The following SORL1 variants were observed in gnomAD, a reference collection of about 807,000 sequenced individuals.
SORL1 encodes the protein sortilin related receptor 1.
Under a neutral mutation model 273.7 loss-of-function variants are expected in SORL1, and 127 were observed. The ratio of observed to expected loss-of-function variants is 0.46; its 90% CI spans 0.40 to 0.54. The LOEUF (loss-of-function observed/expected upper bound fraction) is 0.54, where lower values mean the gene tolerates loss of function less well. Ranked by LOEUF, SORL1 falls within the 20% of genes least tolerant of loss-of-function variation. The probability of loss-of-function intolerance (pLI) is 0.00; values close to 1 mark genes in which losing one functional copy is unlikely to be tolerated. For missense variants in SORL1, 2,494 were observed against 2,846.1 expected (o/e 0.88, Z 2.81); for synonymous variants, 1,031 against 1,067.4 (o/e 0.97, Z 0.66).
chr11:121,472,853 G>A lies in SORL1; in HGVS notation c.402+2730G>A, dbSNP rs180999827. Among the ~76,000 whole-genome samples the A allele has an allele frequency of 4.7e-3, 712 of 152,160 alleles. 4 individuals carry two copies. Among genetic ancestry groups the A allele is most frequent in the African/African-American group, 0.017 (686 of 41,482 alleles). ...TGGGTGCCTGTAATTCCAGCTACTC[G>A]GGAGGCTGAGGCAAGAGAATCGCTT... On this transcript the variant is annotated intron_variant, in intron 2 of 47. Coordinates refer to ENST00000260197, the MANE Select transcript of SORL1 (RefSeq NM_003105.6).
intron 39 of SORL1, chr11:121,612,084 GA>G (rs1863572502): frequency 6.6e-6 from 1 of 152,392 alleles, no homozygotes; most frequent in Non-Finnish European, 1.5e-5. Flanking sequence ...AGGCTACAGT[GA>G]GTCAAGATCA....
chr11:121,542,366 T>C (rs993835597), intron 12 of SORL1, among the ~76,000 whole-genome samples: 3 of 152,242 alleles, frequency 2.0e-5, no homozygotes, highest in African/African-American at 7.2e-5. Flanking sequence ...CAAATTTGTT[T>C]AGTCATTGCA....
At chr11:121,552,255 G>C (rs886110092) in intron 16 of SORL1, among the ~76,000 whole-genome samples, 4 of 152,190 alleles carry the variant, frequency 2.6e-5, no homozygotes, top group Non-Finnish European at 4.4e-5. Flanking sequence ...CATCTGGAAG[G>C]ATTTTTTAAA....
chr11:121,488,282 C>A, intron 4 of SORL1, 89 bp downstream of exon 4: 2 of 1,267,094 alleles, frequency 1.6e-6, no homozygotes, highest in Admixed American at 2.0e-5. Context: ...AGTGACCTCG[C>A]CTCCTGCCTC....
rs1862490917 is a variant in SORL1 at position 121,550,493 on chromosome 11, T to G, written c.2181-92T>G. 3.9e-6 allele frequency: 4 copies of G among 1,017,690 alleles called. No individual in the cohort carries two copies. The African/African-American group carries it at 4.7e-5, about 12-fold the overall frequency. The allele number at this position is 1,017,690 out of a possible 1,614,324, so 63.0% of individuals were successfully genotyped here. On this transcript the variant is annotated intron_variant, in intron 15 of 47. Coordinates refer to ENST00000260197, the MANE Select transcript of SORL1 (RefSeq NM_003105.6). This position sits in a 1 kb window ranked among gnomAD's most constrained non-coding sequence, Gnocchi z 5.3. The stretch of plus-strand genomic sequence containing the variant: ...AGAGAAATGAGTGGATGGACTCTAC[T>G]GGCCGTGGGTAGTAAGTGTATTCCC...
intron 16 of SORL1, among the ~76,000 whole-genome samples, chr11:121,551,278 C>T (rs1392575715): frequency 6.6e-6 from 1 of 152,094 alleles, no homozygotes; most frequent in Admixed American, 6.5e-5. Context: ...ACTCTAAGCC[C>T]CATGCTCTTC....
chr11:121,618,660 G>A, intron 41 of SORL1, 114 bp from the exon 42 acceptor site: 1 of 1,272,692 alleles, frequency 7.9e-7, no homozygotes, highest in Non-Finnish European at 1.1e-6. Flanking sequence ...GTTGAATGAA[G>A]ACTTCTCTGT....
chr11:121,622,458 C>G (rs923012351), intron 45 of SORL1, among the ~76,000 whole-genome samples, 190 bp downstream of exon 45: 1 of 152,242 alleles, frequency 6.6e-6, no homozygotes, highest in Admixed American at 6.5e-5. Context: ...AATGCTTATA[C>G]TGCCCGTTAA....
intron 33 of SORL1, among the ~76,000 whole-genome samples, chr11:121,604,827 G>T (rs1863444822): frequency 6.6e-6 from 1 of 152,158 alleles, no homozygotes; most frequent in South Asian, 2.1e-4. Context: ...CATTTTCTGA[G>T]ATTTCTTTTC....
chr11:121,485,124 G>A (rs1486851586), intron 3 of SORL1, among the ~76,000 whole-genome samples: 7 of 152,192 alleles, frequency 4.6e-5, no homozygotes, highest in Non-Finnish European at 8.8e-5. Flanking sequence ...AGCAAAGGAT[G>A]GAAGAAGAAT....
At chr11:121,589,677 T>C (rs1456968663) in intron 29 of SORL1, among the ~76,000 whole-genome samples, 1 of 152,230 alleles carries the variant, frequency 6.6e-6, no homozygotes, top group Non-Finnish European at 1.5e-5. Context: ...GTAAATATTA[T>C]GGAGTGACCT....
At chr11:121,621,761 G>GGA (rs1378997281) in intron 44 of SORL1, among the ~76,000 whole-genome samples, 2 of 152,218 alleles carry the variant, frequency 1.3e-5, no homozygotes, top group Admixed American at 1.3e-4. Context: ...ATTGGGTAAT[G>GGA]GAGGCCCAGC....
chr11:121,535,687 T>C (rs1213450128), intron 12 of SORL1, among the ~76,000 whole-genome samples: 2 of 145,608 alleles, frequency 1.4e-5, no homozygotes, highest in Non-Finnish European at 3.1e-5. Context: ...TTTTTTTTGG[T>C]CGATGTTCTT....
At chr11:121,569,434 G>A (rs866908480) in intron 22 of SORL1, among the ~76,000 whole-genome samples, 7 of 152,166 alleles carry the variant, frequency 4.6e-5, no homozygotes, top group African/African-American at 9.7e-5. Context: ...GAGAAATATC[G>A]CTGAATTCTT....
intron 1 of SORL1, among the ~76,000 whole-genome samples, 164 bp from the exon 2 acceptor site, chr11:121,469,843 A>G (rs1426885407): frequency 6.6e-6 from 1 of 152,238 alleles, no homozygotes; most frequent in African/African-American, 2.4e-5. Flanking sequence ...TGAGTGTGAC[A>G]GAATATGCAT....
rs1860819306 is a variant in SORL1 at position 121,452,552 on chromosome 11, A to G, written c.221A>G (p.Glu74Gly). 1.3e-6 allele frequency: 2 copies of G among 1,506,670 alleles called. No homozygotes were observed. The highest frequency in any genetic ancestry group is 2.5e-5 in the South Asian group (2 of 80,998). 93.3% of individuals were successfully genotyped at this position (1,506,670 alleles called of 1,614,324 possible). A position where few individuals can be genotyped will look rare whatever the true frequency, so the allele number is the denominator to read the frequency against. The change falls in exon 1 of 48, where the codon GAG (glutamate) becomes GGG (glycine). Residue 74 changes from glutamate to glycine, a missense_variant. Transcript: ENST00000260197. The surrounding 1 kb of genome is among the most constrained non-coding windows in gnomAD (Gnocchi z 5.3). ...GDARGASRAD[E>G]KPLRRKRSAA... ...GCCAGGGGGGCGAGCCGCGCGGACGAGAAGCCGCTCCGGAGGAAACGGAGC... is the reference window on the plus strand; with the variant it reads ...GCCAGGGGGGCGAGCCGCGCGGACGGGAAGCCGCTCCGGAGGAAACGGAGC...
At chr11:121,612,916 G>A (rs1863588037) in intron 40 of SORL1, 84 bp downstream of exon 40, 2 of 976,762 alleles carry the variant, frequency 2.0e-6, no homozygotes, top group Non-Finnish European at 3.2e-6. Flanking sequence ...TTGACTGGGG[G>A]TGCCAGGGAA....
chr11:121,612,836 A>G lies in SORL1; in HGVS notation c.5419+4A>G. The stretch of plus-strand genomic sequence containing the variant: ...GGAAGCATATTGTCACACAAAGGTA[A>G]CACTTTGGTGCTGGTCAGTGTGTGT... On this transcript the variant is annotated splice_donor_region_variant and intron_variant, in intron 40 of 47. Transcript: ENST00000260197. 6.2e-7 allele frequency: 1 copy of G among 1,602,988 alleles called. No homozygotes were observed. Among genetic ancestry groups the G allele is most frequent in the African/African-American group, 1.3e-5 (1 of 74,872 alleles).
rs755037516 is a variant in SORL1, at chr11:121,554,000, G to C, written c.2330G>C (p.Gly777Ala). The change falls in exon 17 of 48, where the codon GGA becomes GCA. Residue 777 changes from glycine to alanine, a missense_variant. This residue lies in a region of SORL1 where 710 missense variants were observed against 882.5 expected (regional missense o/e 0.80). Coordinates refer to ENST00000260197, the MANE Select transcript of SORL1 (RefSeq NM_003105.6). The stretch of plus-strand genomic sequence containing the variant: ...ATCTACCGCTATGACCTGGCCTCGG[G>C]AGCCACCGAGCAGTTGCCTCTCACC... ...KSIYRYDLAS[G>A]ATEQLPLTGL... 1.2e-6 allele frequency: 2 copies of C among 1,614,144 alleles called. No individual in the cohort carries two copies. Among genetic ancestry groups the C allele is most frequent in the Non-Finnish European group, 1.7e-6 (2 of 1,180,014 alleles).
Sources: allele counts gnomAD v4.1 joint callset (sites outside exome capture counted in the v4.1 genomes callset), GRCh38; gene constraint gnomAD v4.1.1; regional missense constraint gnomAD v4.1.1; non-coding constraint Gnocchi (gnomAD v3.1); transcripts MANE v1.5; gene names NCBI Gene and HGNC (gene_info 2026-07-23, HGNC 2026-07-21).